The following NFIA variants were observed in gnomAD, a reference collection of about 807,000 sequenced individuals.
The protein encoded by NFIA is nuclear factor I A.
Under a neutral mutation model 62.8 loss-of-function variants are expected in NFIA, and 8 were observed. The ratio of observed to expected loss-of-function variants is 0.13; its 90% CI spans 0.07 to 0.23. The LOEUF is 0.23. Among genes scored for constraint, NFIA ranks in the 10% least tolerant of loss-of-function variants. The pLI is 1.00. For missense variants in NFIA, 410 were observed against 642.1 expected (o/e 0.64, Z 3.91); for synonymous variants, 235 against 238.1 (o/e 0.99, Z 0.12).
chr1:61,355,065 T>C (rs1662760437), intron 5 of NFIA, among the ~76,000 whole-genome samples: 4 of 152,222 alleles, frequency 2.6e-5, no homozygotes, highest in African/African-American at 9.6e-5. Context: ...TTCTAGGCCG[T>C]AATTACACAG....
intron 9 of NFIA, among the ~76,000 whole-genome samples, chr1:61,419,022 A>T (rs1557770819): frequency 6.6e-6 from 1 of 152,254 alleles, no homozygotes; most frequent in African/African-American, 2.4e-5. Flanking sequence ...CAGCATACAC[A>T]TAAAAATAAA....
intron 3 of NFIA, among the ~76,000 whole-genome samples, chr1:61,317,275 G>A (rs1660415784): frequency 6.6e-6 from 1 of 152,060 alleles, no homozygotes; most frequent in South Asian, 2.1e-4. Flanking sequence ...CTGCAAGTAA[G>A]ATTGACCTAA....
chr1:61,215,001 T>C (rs1168109070), intron 2 of NFIA, among the ~76,000 whole-genome samples: 3 of 152,082 alleles, frequency 2.0e-5, no homozygotes, highest in African/African-American at 4.8e-5. Flanking sequence ...GGTAGTACTA[T>C]GACAGGACTT....
intron 2 of NFIA, among the ~76,000 whole-genome samples, chr1:61,263,990 A>G (rs796647187): frequency 6.9e-6 from 1 of 144,320 alleles, no homozygotes; most frequent in Non-Finnish European, 1.5e-5. Flanking sequence ...ACTCTGACTT[A>G]AAAAAAAAAA....
upstream of NFIA, among the ~76,000 whole-genome samples, chr1:61,081,435 C>G (rs1464818298): frequency 6.6e-6 from 1 of 152,166 alleles, no homozygotes; most frequent in Non-Finnish European, 1.5e-5. Flanking sequence ...AGGCACCCTT[C>G]CAGAGGTGTC....
chr1:61,388,815 A>G (rs975587611), intron 7 of NFIA, among the ~76,000 whole-genome samples: 4 of 152,182 alleles, frequency 2.6e-5, no homozygotes, highest in Admixed American at 2.0e-4. Context: ...CATTTTTCTC[A>G]TACAAAAACA....
intron 2 of NFIA, among the ~76,000 whole-genome samples, chr1:61,267,462 T>C (rs2100255022): frequency 6.6e-6 from 1 of 152,130 alleles, no homozygotes. Flanking sequence ...TGAGCCGAGA[T>C]TGCACCATTG....
chr1:61,196,930 TGTGTGTGTGTGCGC>T (rs1259465938), intron 2 of NFIA, among the ~76,000 whole-genome samples: 28 of 107,858 alleles, frequency 2.6e-4, no homozygotes, highest in African/African-American at 1.1e-3. Flanking sequence ...TGTGTGTGTG[TGTGTGTGTGTGCGC>T]GCGCGCGCTG....
intron 2 of NFIA, among the ~76,000 whole-genome samples, chr1:61,216,753 A>G (rs994096660): frequency 6.6e-6 from 1 of 152,158 alleles, no homozygotes; most frequent in Non-Finnish European, 1.5e-5. Flanking sequence ...TAATCCCAGC[A>G]CTTTGGGAGG....
chr1:61,361,756 T>C (rs1663300820), intron 6 of NFIA, among the ~76,000 whole-genome samples: 1 of 151,502 alleles, frequency 6.6e-6, no homozygotes. Context: ...AACTGAAGTT[T>C]AATGGCTGAA....
intron 10 of NFIA, among the ~76,000 whole-genome samples, chr1:61,450,892 C>G (rs1668026949): frequency 6.6e-6 from 1 of 152,190 alleles, no homozygotes; most frequent in Admixed American, 6.5e-5. Context: ...TCTTTTTCCT[C>G]TAGAATGTGC....
intron 2 of NFIA, among the ~76,000 whole-genome samples, chr1:61,177,800 A>G (rs1029270899): frequency 1.3e-5 from 2 of 152,026 alleles, no homozygotes; most frequent in African/African-American, 4.8e-5. Flanking sequence ...GCTTTAATAA[A>G]CCAACTCTAT....
At chr1:61,294,723 A>G (rs749015087) in intron 3 of NFIA, among the ~76,000 whole-genome samples, 32 of 152,172 alleles carry the variant, frequency 2.1e-4, no homozygotes, top group Non-Finnish European at 7.4e-5. Flanking sequence ...TTCAATAAAT[A>G]TTTACTATAA....
chr1:61,302,998 A>G (rs1404492176), intron 3 of NFIA, among the ~76,000 whole-genome samples: 1 of 152,232 alleles, frequency 6.6e-6, no homozygotes, highest in East Asian at 1.9e-4. Context: ...TGCTTTTAAA[A>G]GTTCAAACCA....
intron 2 of NFIA, among the ~76,000 whole-genome samples, chr1:61,135,405 A>C (rs1647165341): frequency 6.6e-6 from 1 of 151,984 alleles, no homozygotes; most frequent in Non-Finnish European, 1.5e-5. Flanking sequence ...TTGATTGTTG[A>C]ACTTTCTTTT....
intron 9 of NFIA, among the ~76,000 whole-genome samples, chr1:61,424,848 A>C (rs950047262): frequency 5.9e-5 from 9 of 152,226 alleles, no homozygotes; most frequent in African/African-American, 2.2e-4. Context: ...TTTTAAAAAA[A>C]TTAAATTACC....
At chr1:61,156,345 A>G (rs1383969449) in intron 2 of NFIA, among the ~76,000 whole-genome samples, 1 of 152,120 alleles carries the variant, frequency 6.6e-6, no homozygotes, top group African/African-American at 2.4e-5. Flanking sequence ...TTGCCATGTT[A>G]TGATTATGTT....
At chr1:61,155,884 C>T (rs1030604195) in intron 2 of NFIA, among the ~76,000 whole-genome samples, 9 of 152,084 alleles carry the variant, frequency 5.9e-5, no homozygotes, top group African/African-American at 1.9e-4. Context: ...CGCCTGTAAT[C>T]GCAGCACTTT....
intron 2 of NFIA, among the ~76,000 whole-genome samples, chr1:61,141,001 G>A (rs928017698): frequency 2.2e-5 from 3 of 139,372 alleles, no homozygotes; most frequent in Non-Finnish European, 4.6e-5. Context: ...CCAGTTTTGG[G>A]CACAGAATGC....
Sources: allele counts gnomAD v4.1 joint callset (sites outside exome capture counted in the v4.1 genomes callset), GRCh38; gene constraint gnomAD v4.1.1; transcripts MANE v1.5; gene names NCBI Gene and HGNC (gene_info 2026-07-23, HGNC 2026-07-21).